The following KIAA0930 variants were observed in gnomAD, a reference collection of about 807,000 sequenced individuals.
The protein encoded by KIAA0930 is uncharacterized protein KIAA0930.
A neutral mutation model predicts 43.9 loss-of-function variants in KIAA0930; 24 were observed. That is an observed-to-expected ratio of 0.55 (90% CI 0.40 to 0.77). The LOEUF (loss-of-function observed/expected upper bound fraction) is 0.77. Ranked by LOEUF, KIAA0930 falls within the 30% of genes least tolerant of loss-of-function variation. The pLI is 0.00. For missense variants in KIAA0930, 461 were observed against 574.2 expected, an observed-to-expected ratio of 0.80 and a Z score of 2.02; for synonymous variants, 259 against 216.4, an observed-to-expected ratio of 1.20 and a Z score of -1.73.
rs1170229604 is a variant in KIAA0930 at position 45,194,623 on chromosome 22, CTA to C, written c.*2551_*2552del. 6.6e-6 allele frequency: 1 copy of C among 152,232 alleles called. No individual in the cohort carries two copies. The highest frequency in any genetic ancestry group is 1.5e-5 in the Non-Finnish European group (1 of 68,040). The allele number at this position is 152,232 out of a possible 1,614,324, so 9.4% of individuals were successfully genotyped here. A position where few individuals can be genotyped will look rare whatever the true frequency, so the allele number is the denominator to read the frequency against. On this transcript the variant is annotated 3_prime_UTR_variant, in exon 10 of 10. Coordinates refer to ENST00000336156, the MANE Select transcript of KIAA0930 (RefSeq NM_001009880.2). ...GGTTCTGGCCCTGCCACTTGTTACT[CTA>C]TTACTTTATTCCACATGTCATCTGT...
chr22:45,202,792 C>T (rs961888873), intron 7 of KIAA0930, 198 bp downstream of exon 7: 6 of 521,680 alleles, frequency 1.2e-5, no homozygotes, highest in Admixed American at 3.9e-5. Flanking sequence ...GCCTCCCCTG[C>T]GGCAGTGCCT....
intron 2 of KIAA0930, among the ~76,000 whole-genome samples, chr22:45,209,762 G>C (rs2083676500): frequency 6.6e-6 from 1 of 152,162 alleles, no homozygotes; most frequent in Admixed American, 6.5e-5. Context: ...ATCTGCACAT[G>C]GCTCACAGTG....
chr22:45,202,494 G>A (rs564797894), intron 7 of KIAA0930: 1 of 153,480 alleles, frequency 6.5e-6, no homozygotes, highest in South Asian at 2.0e-4. Context: ...GCGGGGCAAA[G>A]AGCTGGGTGG....
intron 1 of KIAA0930, among the ~76,000 whole-genome samples, chr22:45,214,333 A>G (rs536731571): frequency 1.3e-5 from 2 of 152,370 alleles, no homozygotes; most frequent in African/African-American, 2.4e-5. Flanking sequence ...AAATGTTCAC[A>G]GCATCTTTAT....
chr22:45,201,573 AT>A (rs2083589384), intron 7 of KIAA0930, among the ~76,000 whole-genome samples: 1 of 152,234 alleles, frequency 6.6e-6, no homozygotes, highest in South Asian at 2.1e-4. Flanking sequence ...CCAGGGCATA[AT>A]TTAGGACCAG....
intron 1 of KIAA0930, among the ~76,000 whole-genome samples, chr22:45,233,421 G>A (rs771438455): frequency 2.0e-5 from 3 of 152,176 alleles, no homozygotes; most frequent in Non-Finnish European, 2.9e-5. Context: ...CACAGGCCAC[G>A]CAGGGCATGC....
At chr22:45,227,058 C>T (rs941543260) in intron 1 of KIAA0930, among the ~76,000 whole-genome samples, 2 of 152,220 alleles carry the variant, frequency 1.3e-5, no homozygotes, top group Non-Finnish European at 2.9e-5. Context: ...ACTCCCTGCC[C>T]GGGCCCTGAG....
At chr22:45,204,770 C>T (rs2083621048) in intron 5 of KIAA0930, among the ~76,000 whole-genome samples, 1 of 151,094 alleles carries the variant, frequency 6.6e-6, no homozygotes, top group African/African-American at 2.4e-5. Context: ...GTTTCCCAAA[C>T]CTTAAAACAA....
chr22:45,198,652 T>G (rs557233189), intron 8 of KIAA0930, among the ~76,000 whole-genome samples: 28 of 151,532 alleles, frequency 1.8e-4, no homozygotes, highest in African/African-American at 6.8e-4. Flanking sequence ...CTTCACGTCG[T>G]TTTTTTTTGT....
chr22:45,219,984 A>G (rs1323723057), intron 1 of KIAA0930, among the ~76,000 whole-genome samples: 2 of 152,164 alleles, frequency 1.3e-5, no homozygotes, highest in Non-Finnish European at 2.9e-5. Context: ...CCTAAGAAAC[A>G]TGCCAATTCT....
chr22:45,240,581 A>G (rs899571969), intron 1 of KIAA0930, 59 bp downstream of exon 1: 307 of 1,209,644 alleles, frequency 2.5e-4, no homozygotes, highest in Non-Finnish European at 3.3e-4. Context: ...GGACGCGCAG[A>G]GGCGGCCCCG....
At chr22:45,206,070 C>A (rs1157872416) in intron 2 of KIAA0930, among the ~76,000 whole-genome samples, 158 bp from the exon 3 acceptor site, 2 of 152,366 alleles carry the variant, frequency 1.3e-5, no homozygotes, top group East Asian at 3.9e-4. Flanking sequence ...GGCTAGAGAG[C>A]AGTGGTGCAA....
At chr22:45,204,066 G>C (rs1266093776) in intron 5 of KIAA0930, 81 bp from the exon 6 acceptor site, 1 of 1,580,842 alleles carries the variant, frequency 6.3e-7, no homozygotes, top group South Asian at 1.1e-5. Context: ...CTGGCAGGGA[G>C]GGCTGCTCAG....
rs571266386 is a variant in KIAA0930 at position 45,201,490 on chromosome 22, AC to A, written c.853-1456del. Among the ~76,000 whole-genome samples the A allele has an allele frequency of 5.4e-3, 816 of 152,256 alleles. 6 individuals carry two copies. The highest frequency in any genetic ancestry group is 0.019 in the African/African-American group (775 of 41,540). ...CCCTCAGGCTGTGGCTGGAGGTGGC[AC>A]CCGGGTTTGTCCAGCCCAGAGCTCG... On this transcript the variant is annotated intron_variant, in intron 7 of 9. Coordinates refer to ENST00000336156, the MANE Select transcript of KIAA0930 (RefSeq NM_001009880.2).
chr22:45,211,967 C>T lies in KIAA0930; in HGVS notation c.205G>A (p.Asp69Asn). The T allele has an allele frequency of 6.2e-7, 1 of 1,611,926 alleles. No individual in the cohort carries two copies. The highest frequency in any genetic ancestry group is 8.5e-7 in the Non-Finnish European group (1 of 1,180,004). The change falls in exon 2 of 10, where the codon GAC becomes AAC. Residue 69 changes from aspartate to asparagine, a missense_variant. Coordinates refer to ENST00000336156, the MANE Select transcript of KIAA0930 (RefSeq NM_001009880.2). ...CGGGGGTCACTCACCTTCCTCCCGT[C>T]TGCACCGCTTTCGCTGCCGGAGTAC... ...LAYSGSESGADGRKAAEPEVE... is the reference protein window; with the variant it reads ...LAYSGSESGANGRKAAEPEVE...
At chr22:45,200,254 T>C (rs2083575745) in intron 7 of KIAA0930, 1 of 458,508 alleles carries the variant, frequency 2.2e-6, no homozygotes, top group Non-Finnish European at 3.8e-6. Flanking sequence ...TGGCCACCAG[T>C]GCTACCCGAG....
chr22:45,227,913 G>A (rs927410302), intron 1 of KIAA0930, among the ~76,000 whole-genome samples: 1 of 152,208 alleles, frequency 6.6e-6, no homozygotes, highest in Non-Finnish European at 1.5e-5. Flanking sequence ...CTCCCACTGT[G>A]TGCGGGGGCA....
intron 1 of KIAA0930, among the ~76,000 whole-genome samples, chr22:45,213,870 C>T (rs937285795): frequency 2.0e-5 from 3 of 152,120 alleles, no homozygotes; most frequent in Non-Finnish European, 1.5e-5. Context: ...ATTAGCCAGG[C>T]ATGGTGGCGG....
chr22:45,238,324 A>C (rs563034736), intron 1 of KIAA0930, among the ~76,000 whole-genome samples: 1 of 152,154 alleles, frequency 6.6e-6, no homozygotes, highest in Non-Finnish European at 1.5e-5. Context: ...TTGTTCACTA[A>C]ATGTTTACTG....
Sources: gnomAD v4.1 joint callset for allele counts (sites outside exome capture counted in the v4.1 genomes callset) on GRCh38, gnomAD v4.1.1 for gene constraint, MANE v1.5 for transcripts, NCBI Gene and HGNC (gene_info 2026-07-23, HGNC 2026-07-21) for gene names.